SFXN4: variants seen among roughly 807,000 people sequenced by gnomAD.
The protein encoded by SFXN4 is sideroflexin 4.
SFXN4 carries 48 observed loss-of-function variants against 54.6 expected under a neutral mutation model. That is an observed-to-expected ratio of 0.88 (90% CI 0.70 to 1.12). The LOEUF (loss-of-function observed/expected upper bound fraction) is 1.12. Among genes scored for constraint, SFXN4 ranks in the 50% most tolerant of loss-of-function variants. The pLI, the probability that SFXN4 is intolerant of heterozygous loss-of-function variation, is 0.00. For missense variants in SFXN4, 383 were observed against 409.2 expected (o/e 0.94, Z 0.55); for synonymous variants, 130 against 145.5 (o/e 0.89, Z 0.77).
intron 9 of SFXN4, 94 bp from the exon 10 acceptor site, chr10:119,156,850 A>T: frequency 1.2e-6 from 1 of 866,124 alleles, no homozygotes; most frequent in Non-Finnish European, 1.8e-6. Context: ...CCTAGTTCCT[A>T]TTACAAGTCA....
At chr10:119,165,507 GC>G in intron 1 of SFXN4, 29 bp downstream of exon 1, 1 of 1,545,406 alleles carries the variant, frequency 6.5e-7, no homozygotes. Context: ...CCCCCTCCCT[GC>G]CCCTAGTCGC....
intron 11 of SFXN4, among the ~76,000 whole-genome samples, chr10:119,148,651 CCA>C (rs1459242694): frequency 6.6e-6 from 1 of 152,120 alleles, no homozygotes; most frequent in African/African-American, 2.4e-5. Flanking sequence ...CTGTCCGTAC[CCA>C]CGTTTCACAG....
chr10:119,147,342 G>A (rs1340880322), intron 12 of SFXN4, among the ~76,000 whole-genome samples: 2 of 152,212 alleles, frequency 1.3e-5, no homozygotes, highest in African/African-American at 2.4e-5. Context: ...CGCCTCGTAG[G>A]CCATTTCTGG....
intron 11 of SFXN4, among the ~76,000 whole-genome samples, chr10:119,152,551 CA>C (rs1179037028): frequency 5.9e-5 from 9 of 152,220 alleles, no homozygotes; most frequent in Non-Finnish European, 1.3e-4. Context: ...TTGTTAGGCC[CA>C]GAACCTTCAT....
At chr10:119,161,032 A>G in intron 4 of SFXN4, 23 bp downstream of exon 4, 1 of 1,614,216 alleles carries the variant, frequency 6.2e-7, no homozygotes. Flanking sequence ...GACACTAAAA[A>G]TTAGGAAGGG....
intron 11 of SFXN4, among the ~76,000 whole-genome samples, chr10:119,149,395 C>T (rs1200303609): frequency 1.3e-5 from 2 of 152,146 alleles, no homozygotes; most frequent in African/African-American, 2.4e-5. Context: ...ATGGTTCCCT[C>T]TGCAGGGAAT....
At chr10:119,155,668 T>G (rs192540380) in intron 10 of SFXN4, among the ~76,000 whole-genome samples, 1 of 152,252 alleles carries the variant, frequency 6.6e-6, no homozygotes, top group East Asian at 1.9e-4. Flanking sequence ...AATTTTTGTA[T>G]TTTTAGTAGA....
chr10:119,158,118 C>G, intron 6 of SFXN4, 56 bp from the exon 7 acceptor site: 1 of 1,535,666 alleles, frequency 6.5e-7, no homozygotes, highest in Non-Finnish European at 9.0e-7. Context: ...GGAGAACTTG[C>G]AGTAGCAAAG....
At chr10:119,153,402 CAA>C (rs34129853) in intron 11 of SFXN4, among the ~76,000 whole-genome samples, 21 of 98,338 alleles carry the variant, frequency 2.1e-4, no homozygotes, top group East Asian at 3.3e-4. Flanking sequence ...GACCCTGTCT[CAA>C]AAAAAAAAAA....
At chr10:119,164,068 AC>A in intron 2 of SFXN4, 62 bp downstream of exon 2, 1 of 750,126 alleles carries the variant, frequency 1.3e-6, no homozygotes, top group Non-Finnish European at 2.2e-6. Flanking sequence ...AAAAAAAGGG[AC>A]ACACAGACTT....
At chr10:119,161,437 C>CAAAAAAAAAAAAAAAAAAAACCAA (rs1554888747) in intron 3 of SFXN4, among the ~76,000 whole-genome samples, 7 of 119,850 alleles carry the variant, frequency 5.8e-5, no homozygotes, top group Non-Finnish European at 8.5e-5. Context: ...CAAAAAAAAA[C>CAAAAAAAAAAAAAAAAAAAACCAA]AAAAAAAAAA....
intron 13 of SFXN4, among the ~76,000 whole-genome samples, chr10:119,144,487 A>G (rs1243490931): frequency 6.6e-6 from 1 of 152,162 alleles, no homozygotes; most frequent in African/African-American, 2.4e-5. Context: ...ATCTGCTAGC[A>G]TCAGTAATGT....
chr10:119,163,204 G>C (rs563987437), intron 2 of SFXN4, among the ~76,000 whole-genome samples: 1 of 151,254 alleles, frequency 6.6e-6, no homozygotes, highest in East Asian at 1.9e-4. Context: ...GGTTATATTT[G>C]CTTCTAATTT....
chr10:119,162,675 C>T (rs1371767542), intron 2 of SFXN4, among the ~76,000 whole-genome samples: 5 of 152,188 alleles, frequency 3.3e-5, no homozygotes, highest in African/African-American at 4.8e-5. Context: ...TGTCAACTGT[C>T]GCACTGAATG....
intron 3 of SFXN4, 77 bp from the exon 4 acceptor site, chr10:119,161,158 G>A (rs985943918): frequency 6.8e-6 from 10 of 1,464,290 alleles, no homozygotes; most frequent in Non-Finnish European, 9.5e-6. Flanking sequence ...TGTCACCCAG[G>A]GCTGGGGTAT....
intron 11 of SFXN4, among the ~76,000 whole-genome samples, chr10:119,150,025 T>TA (rs916399259): frequency 1.3e-5 from 2 of 152,204 alleles, no homozygotes; most frequent in Non-Finnish European, 2.9e-5. Flanking sequence ...TACCATCAGA[T>TA]ATTGCTGGTT....
At chr10:119,151,797 G>A (rs1589633415) in intron 11 of SFXN4, among the ~76,000 whole-genome samples, 2 of 151,388 alleles carry the variant, frequency 1.3e-5, no homozygotes, top group African/African-American at 2.4e-5. Flanking sequence ...GATTACAGGC[G>A]TGAGCCACCG....
intron 1 of SFXN4, 77 bp from the exon 2 acceptor site, chr10:119,164,273 T>TTG: frequency 1.1e-6 from 1 of 901,328 alleles, no homozygotes; most frequent in South Asian, 1.5e-5. Context: ...GTTGGCTTTT[T>TTG]TTTTTTTTTT....
intron 6 of SFXN4, among the ~76,000 whole-genome samples, chr10:119,159,385 G>A (rs1338973204): frequency 6.6e-6 from 1 of 152,196 alleles, no homozygotes; most frequent in East Asian, 1.9e-4. Flanking sequence ...CTGTGTCAGA[G>A]GAGGACTTGG....
Sources: allele counts gnomAD v4.1 joint callset (sites outside exome capture counted in the v4.1 genomes callset), GRCh38; gene constraint gnomAD v4.1.1; transcripts MANE v1.5; gene names NCBI Gene and HGNC (gene_info 2026-07-23, HGNC 2026-07-21).